The following EHBP1 variants were observed in gnomAD, a reference collection of about 807,000 sequenced individuals.
EHBP1 encodes EH domain-binding protein 1.
Under a neutral mutation model 144.0 loss-of-function variants are expected in EHBP1, and 55 were observed. That is an observed-to-expected ratio of 0.38 (90% CI 0.31 to 0.48). The LOEUF is 0.48. Ranked by LOEUF, EHBP1 falls within the 20% of genes least tolerant of loss-of-function variation. The pLI is 0.98. For missense variants in EHBP1, 1,200 were observed against 1,364.2 expected (o/e 0.88, Z 1.90); for synonymous variants, 469 against 472.7 (o/e 0.99, Z 0.10).
At chr2:62,676,129 TTA>T in intron 1 of EHBP1, among the ~76,000 whole-genome samples, 1 of 84,764 alleles carries the variant, frequency 1.2e-5, no homozygotes, top group Non-Finnish European at 2.5e-5. Flanking sequence ...AAAAGCATGG[TTA>T]TGAATCTATC....
intron 3 of EHBP1, among the ~76,000 whole-genome samples, chr2:62,757,436 T>TC (rs1312655757): frequency 1.4e-5 from 2 of 145,702 alleles, no homozygotes; most frequent in African/African-American, 2.5e-5. Context: ...CTTTTTTTTT[T>TC]TTTTTTTTTG....
In EHBP1 at chr2:63,038,630, A is replaced by G. The variant is rs992869020; in HGVS notation, c.3204-113A>G. On this transcript the variant is annotated intron_variant, in intron 20 of 22. Transcript: ENST00000431489. ...GTATCATTCATTTGGAGTGGCTTAAACTTAAAGAGAAAAGTCAGTTATGAG... is the reference window on the plus strand; with the variant it reads ...GTATCATTCATTTGGAGTGGCTTAAGCTTAAAGAGAAAAGTCAGTTATGAG... 4.2e-5 allele frequency: 38 copies of G among 897,782 alleles called. No homozygotes were observed. The African/African-American group carries it at 6.0e-4, about 14-fold the overall frequency. The allele number at this position is 897,782 out of a possible 1,614,324, so 55.6% of individuals were successfully genotyped here.
At chr2:62,961,621 G>C (rs1266401368) in intron 14 of EHBP1, among the ~76,000 whole-genome samples, 1 of 152,164 alleles carries the variant, frequency 6.6e-6, no homozygotes, top group Admixed American at 6.5e-5. Flanking sequence ...ATTCAAAGGA[G>C]ACGTCTTGAT....
intron 19 of EHBP1, among the ~76,000 whole-genome samples, chr2:63,020,323 C>CAAAAAAAAAAAA (rs1001418542): frequency 2.2e-5 from 1 of 45,282 alleles, no homozygotes; most frequent in Non-Finnish European, 4.4e-5. Flanking sequence ...GACTCTGTCT[C>CAAAAAAAAAAAA]AAAAAAAAAA....
At chr2:62,747,306 C>T in intron 2 of EHBP1, 89 bp from the exon 3 acceptor site, 1 of 1,102,064 alleles carries the variant, frequency 9.1e-7, no homozygotes, top group South Asian at 1.4e-5. Flanking sequence ...TAGCCTAAAG[C>T]AGATGACATT....
intron 1 of EHBP1, among the ~76,000 whole-genome samples, chr2:62,690,685 G>T (rs1463461323): frequency 1.3e-5 from 2 of 152,054 alleles, no homozygotes; most frequent in African/African-American, 4.8e-5. Flanking sequence ...TTTAAACTTT[G>T]TCTCCTACCA....
chr2:62,859,164 T>C lies in EHBP1; in HGVS notation c.635-5T>C. 4 of 1,609,320 alleles carry C rather than the reference T, an allele frequency of 2.5e-6. No individual in the cohort carries two copies. Among genetic ancestry groups the C allele is most frequent in the Non-Finnish European group, 2.5e-6 (3 of 1,177,018 alleles). On this transcript the variant is annotated splice_region_variant and splice_polypyrimidine_tract_variant and intron_variant, in intron 7 of 22. Transcript: ENST00000431489. ...TAGGGAACTAACCCATATGTTTATT[T>C]TCAGAGCTTATCAACAAACTTAACT...
chr2:62,952,768 C>G (rs909219602), intron 13 of EHBP1, among the ~76,000 whole-genome samples: 1 of 152,162 alleles, frequency 6.6e-6, no homozygotes, highest in Non-Finnish European at 1.5e-5. Flanking sequence ...CTTATAACAT[C>G]TTTATTTACC....
intron 2 of EHBP1, among the ~76,000 whole-genome samples, chr2:62,746,837 A>C (rs2039207370): frequency 6.6e-6 from 1 of 152,078 alleles, no homozygotes; most frequent in South Asian, 2.1e-4. Context: ...TTAACTTAAT[A>C]GTCTTTTAAG....
At chr2:62,929,088 A>C (rs76425974) in intron 10 of EHBP1, among the ~76,000 whole-genome samples, 1,679 of 152,306 alleles carry the variant, frequency 0.011, 28 homozygotes, top group African/African-American at 0.039. Flanking sequence ...ATGAATCAGT[A>C]ATCAAAAATC....
At chr2:62,933,676 T>C (rs1242833848) in intron 10 of EHBP1, among the ~76,000 whole-genome samples, 2 of 152,220 alleles carry the variant, frequency 1.3e-5, no homozygotes, top group Non-Finnish European at 2.9e-5. Context: ...GAGATTGGGA[T>C]AAGAAAGAAG....
chr2:62,728,945 G>A (rs2037114869), intron 2 of EHBP1, among the ~76,000 whole-genome samples: 1 of 151,746 alleles, frequency 6.6e-6, no homozygotes, highest in Non-Finnish European at 1.5e-5. Flanking sequence ...TGTGTATGGT[G>A]TAAGGAAGGT....
chr2:62,956,435 C>T (rs2057699112), intron 14 of EHBP1, among the ~76,000 whole-genome samples: 1 of 152,114 alleles, frequency 6.6e-6, no homozygotes, highest in Non-Finnish European at 1.5e-5. Flanking sequence ...GGTTGGTCAC[C>T]TTGTTGCATG....
intron 10 of EHBP1, among the ~76,000 whole-genome samples, chr2:62,882,004 A>G (rs1409814630): frequency 6.6e-6 from 1 of 152,168 alleles, no homozygotes; most frequent in Non-Finnish European, 1.5e-5. Flanking sequence ...CATTAATTGT[A>G]TGATTTTGGA....
chr2:62,830,073 A>G (rs1277920657), intron 6 of EHBP1, among the ~76,000 whole-genome samples: 1 of 151,108 alleles, frequency 6.6e-6, no homozygotes, highest in African/African-American at 2.4e-5. Flanking sequence ...TTGCAATTGC[A>G]AAAATACGGA....
At chr2:63,010,028 CCTCAG>C (rs1431051035) in intron 19 of EHBP1, among the ~76,000 whole-genome samples, 1 of 151,380 alleles carries the variant, frequency 6.6e-6, no homozygotes, top group African/African-American at 2.4e-5. Context: ...TATTTTTGGA[CCTCAG>C]TAAGTGATAA....
intron 15 of EHBP1, among the ~76,000 whole-genome samples, chr2:62,990,169 G>C (rs958248996): frequency 6.6e-6 from 1 of 152,038 alleles, no homozygotes; most frequent in African/African-American, 2.4e-5. Context: ...TATCTAAGTA[G>C]AGGGTATTTG....
At position 62,949,010 on chromosome 2, in the gene EHBP1, A is replaced by C; in HGVS notation, c.2164A>C (p.Ser722Arg). Residue 722 changes from serine to arginine, a missense_variant, in exon 13 of 23, where the codon AGT becomes CGT. Physicochemically the swap from Ser to Arg is moderately radical, Grantham distance 110. This residue lies in a region of EHBP1 where 543 missense variants were observed against 513.1 expected (regional missense o/e 1.06). Coordinates refer to ENST00000431489, the MANE Select transcript of EHBP1 (RefSeq NM_001142616.3). ...TCCAGAATCTCCTATCAAAAAAACA[A>C]GTTTATCTCCTACTTCTAAACTTGG... ...SDPESPIKKT[S>R]LSPTSKLGYS... 6.2e-7 allele frequency: 1 copy of C among 1,613,892 alleles called. No homozygotes were observed. Among genetic ancestry groups the C allele is most frequent in the African/African-American group, 1.3e-5 (1 of 75,014 alleles).
chr2:62,709,157 A>G (rs2034882692), intron 2 of EHBP1, among the ~76,000 whole-genome samples: 1 of 152,162 alleles, frequency 6.6e-6, no homozygotes, highest in African/African-American at 2.4e-5. Flanking sequence ...AAGGGGAGAC[A>G]AAAGGTTAGG....
Sources: allele counts gnomAD v4.1 joint callset (sites outside exome capture counted in the v4.1 genomes callset), GRCh38; gene constraint gnomAD v4.1.1; regional missense constraint gnomAD v4.1.1; transcripts MANE v1.5; gene names NCBI Gene and HGNC (gene_info 2026-07-23, HGNC 2026-07-21).